FASN: variants seen among roughly 807,000 people sequenced by gnomAD.
FASN encodes the protein fatty acid synthase.
Under a neutral mutation model 250.0 loss-of-function variants are expected in FASN, and 50 were observed. That is an observed-to-expected ratio of 0.20 (90% confidence interval 0.16 to 0.25). The LOEUF (loss-of-function observed/expected upper bound fraction) is 0.25. Ranked by LOEUF, FASN falls within the 10% of genes least tolerant of loss-of-function variation. The pLI, the probability that FASN is intolerant of heterozygous loss-of-function variation, is 1.00. For missense variants in FASN, 3,031 were observed against 3,498.5 expected, an observed-to-expected ratio of 0.87 and a Z score of 3.37; for synonymous variants, 1,909 against 1,584.0, an observed-to-expected ratio of 1.21 and a Z score of -4.87.
In FASN at chr17:82,090,953, G is replaced by A. The variant is rs773196257; in HGVS notation, c.1609C>T (p.Leu537=). The A allele has an allele frequency of 1.9e-6, 3 of 1,612,884 alleles. No homozygotes were observed. The highest frequency in any genetic ancestry group is 4.5e-5 in the East Asian group (2 of 44,872). The change falls in exon 10 of 43, where the codon CTG becomes TTG. Residue 537 remains leucine (L), a synonymous_variant. Transcript: ENST00000306749. ...GTGCTCTCGTCTGTGCTCAGCAGCA[G>A]CTGTGACACCTTCAGGCCGAATGGC... is the stretch of plus-strand genomic sequence containing the variant. ...VKPFGLKVSQ[L]LLSTDESTFD...
intron 36 of FASN, 63 bp from the exon 37 acceptor site, chr17:82,081,906 GA>G: frequency 2.6e-6 from 1 of 389,060 alleles, no homozygotes; most frequent in Non-Finnish European, 4.4e-6. Context: ...TGGCCACTGG[GA>G]GAGGGTGGGG....
chr17:82,081,314 G>A lies in FASN; in HGVS notation c.6445C>T (p.Leu2149=). 1 of 1,557,436 alleles carries A rather than the reference G, an allele frequency of 6.4e-7. No individual in the cohort carries two copies. Among genetic ancestry groups the A allele is most frequent in the Non-Finnish European group, 8.7e-7 (1 of 1,150,842 alleles). The part of the protein sequence containing the change: ...DLAAVNLDSS[L]ADLGLDSLMS... Reference sequence around the variant, plus strand: ...AGCGAGTCCAGGCCCAGGTCCGCCAGTGAGCTGTCCAGGTTGACAGCAGCC... The same window carrying A: ...AGCGAGTCCAGGCCCAGGTCCGCCAATGAGCTGTCCAGGTTGACAGCAGCC... Residue 2149 remains leucine (L), a synonymous_variant, in exon 38 of 43, where the codon CTG becomes TTG. Coordinates refer to ENST00000306749, the MANE Select transcript of FASN (RefSeq NM_004104.5).
rs1223561802 is a variant in FASN at position 82,087,515 on chromosome 17, G to A, written c.3044-11C>T. 20 of 1,611,682 alleles carry A rather than the reference G, an allele frequency of 1.2e-5. No homozygotes were observed. The highest frequency in any genetic ancestry group is 1.7e-5 in the Non-Finnish European group (20 of 1,179,940). ...GCCTCCCCGAGTCACCTGCACACAG[G>A]GCCTGGTTGGTGCTGTGGAACTCCC... On this transcript the variant is annotated splice_polypyrimidine_tract_variant and intron_variant, in intron 19 of 42. Coordinates refer to ENST00000306749, the MANE Select transcript of FASN (RefSeq NM_004104.5).
chr17:82,096,690 C>T (rs757518145), intron 1 of FASN: 4 of 586,798 alleles, frequency 6.8e-6, no homozygotes, highest in Non-Finnish European at 1.2e-5. Flanking sequence ...CTGACCCATT[C>T]AGTTCAGGGT....
In FASN at chr17:82,083,120, G is replaced by A. The variant is rs202158422; in HGVS notation, c.5566-5C>T. The stretch of plus-strand genomic sequence containing the variant: ...CTCCGGCTCCTCCGCAAGCACCTGC[G>A]TCCAAGCAGCACCCACCGGCTCAGG... On this transcript the variant is annotated splice_region_variant and splice_polypyrimidine_tract_variant and intron_variant, in intron 32 of 42. Transcript: ENST00000306749. The A allele has an allele frequency of 4.5e-4, 719 of 1,610,096 alleles. 3 individuals carry two copies. In the South Asian group the frequency reaches 6.3e-3, roughly 14 times the overall value.
rs955638027 is a variant in FASN, at chr17:82,095,384, T to C, written c.216A>G (p.Ala72=). The C allele has an allele frequency of 6.2e-7, 1 of 1,612,974 alleles. No individual in the cohort carries two copies. The highest frequency in any genetic ancestry group is 8.5e-7 in the Non-Finnish European group (1 of 1,180,016). The change falls in exon 3 of 43, where the codon GCA becomes GCG. Residue 72 remains alanine (A), a synonymous_variant. Coordinates refer to ENST00000306749, the MANE Select transcript of FASN (RefSeq NM_004104.5). ...ASFFGVHPKQ[A]HTMDPQLRLL... Reference sequence around the variant, plus strand: ...GCCGCAGCTGAGGGTCCATCGTGTGTGCCTGCTTGGGGTGGACTCCGAAGA... The same window carrying C: ...GCCGCAGCTGAGGGTCCATCGTGTGCGCCTGCTTGGGGTGGACTCCGAAGA...
chr17:82,090,623 GGCCCCCGGCCCCA>G, intron 10 of FASN, 59 bp from the exon 11 acceptor site: 1 of 1,481,164 alleles, frequency 6.8e-7, no homozygotes, highest in South Asian at 1.2e-5. Context: ...TGTTGGGGGC[GGCCCCCGGCCCCA>G]CTAGGCCATC....
Position 82,083,023 on chromosome 17 carries a change from G to A in FASN, c.5658C>T (p.Ser1886=), listed in dbSNP as rs200920340. The A allele has an allele frequency of 2.6e-5, 42 of 1,612,912 alleles. No homozygotes were observed. The East Asian group carries it at 6.5e-4, about 25-fold the overall frequency. The change falls in exon 33 of 43, where the codon AGC becomes AGT. Residue 1886 remains serine (S), a synonymous_variant. Coordinates refer to ENST00000306749, the MANE Select transcript of FASN (RefSeq NM_004104.5). ...CACCCAGACCACCAGCGATGATGTA[G>A]CTCTTGTGGGCCGGGCAGAAGGTCT... ...ISKTFCPAHK[S]YIIAGGLGGF... is the part of the protein sequence containing the mutation.
intron 21 of FASN, among the ~76,000 whole-genome samples, chr17:82,086,825 C>T (rs966752220): frequency 6.6e-6 from 1 of 151,914 alleles, no homozygotes; most frequent in African/African-American, 2.4e-5. Flanking sequence ...TCATCTTTGC[C>T]CCCAAGTACC....
rs145767304 is a variant in FASN at position 82,082,638 on chromosome 17, G to A, written c.5808C>T (p.Gly1936=). The change falls in exon 34 of 43, where the codon GGC becomes GGT. Residue 1936 remains glycine (G), a synonymous_variant. Coordinates refer to ENST00000306749, the MANE Select transcript of FASN (RefSeq NM_004104.5). The part of the protein sequence containing the change: ...AKQVRRWRRQ[G]VQVQVSTSNI... The stretch of plus-strand genomic sequence containing the variant: ...TGCTGGTGGACACCTGCACCTGTAC[G>A]CCCTGGCGCCTCCACCGGCGGACCT... 10 of 1,610,486 alleles carry A rather than the reference G, an allele frequency of 6.2e-6. No individual in the cohort carries two copies. Among genetic ancestry groups the A allele is most frequent in the South Asian group, 3.3e-5 (3 of 91,084 alleles).
intron 40 of FASN, 62 bp downstream of exon 40, chr17:82,080,308 C>A: frequency 6.2e-7 from 1 of 1,611,212 alleles, no homozygotes; most frequent in Non-Finnish European, 8.5e-7. Flanking sequence ...CCCCCAAAGC[C>A]AGGGCACAGG....
rs200728736 is a variant in FASN, at chr17:82,088,490, G to A, written c.2493C>T (p.Ser831=). 65 of 1,609,654 alleles carry A rather than the reference G, an allele frequency of 4.0e-5. No homozygotes were observed. The highest frequency in any genetic ancestry group is 8.9e-5 in the East Asian group (4 of 44,794). The change falls in exon 16 of 43, where the codon TCC becomes TCT. Residue 831 remains serine (S), a synonymous_variant. Coordinates refer to ENST00000306749, the MANE Select transcript of FASN (RefSeq NM_004104.5). ...GGCTGTGGTCCCACTTGATGAGTGG[G>A]GAGATGAGGGGAGTTCCTCGGGGAG... ...FPAPRGTPLI[S]PLIKWDHSLA...
chr17:82,094,142 T>C, intron 3 of FASN: 2 of 374,674 alleles, frequency 5.3e-6, no homozygotes, highest in South Asian at 2.2e-5. Context: ...CACCGGCAGC[T>C]CTGATGAGCC....
At position 82,088,171 on chromosome 17, in the gene FASN, C is replaced by T. The variant is rs545000925; in HGVS notation, c.2730G>A (p.Leu910=). ...ARALGLGVEQ[L]PVVFEDVVLH... is the part of the protein sequence containing the mutation. ...GCACCACATCCTCAAACACCACAGG[C>T]AGCTGCTCGACGCCCAGGCCCAGGG... The change falls in exon 17 of 43, where the codon CTG becomes CTA. Residue 910 remains leucine (L), a synonymous_variant. Transcript: ENST00000306749. 2.9e-5 allele frequency: 46 copies of T among 1,612,756 alleles called. 1 individual carries two copies. The South Asian group carries it at 4.7e-4, about 17-fold the overall frequency.
In FASN at chr17:82,082,297, C is replaced by T. The variant is rs374731545; in HGVS notation, c.6011+26G>A. Reference sequence around the variant, plus strand: ...CCCTGAGCCCAGAGCCCGGCAGAGGCGGGAGCAGGGCTGTGCGGTACCCAC... The same window carrying T: ...CCCTGAGCCCAGAGCCCGGCAGAGGTGGGAGCAGGGCTGTGCGGTACCCAC... On this transcript the variant is annotated intron_variant, in intron 35 of 42. Transcript: ENST00000306749. 2.2e-5 allele frequency: 35 copies of T among 1,610,798 alleles called. No homozygotes were observed. In the Middle Eastern group the frequency reaches 5.0e-4, roughly 23 times the overall value.
intron 1 of FASN, 45 bp from the exon 2 acceptor site, chr17:82,096,497 C>A: frequency 1.2e-6 from 2 of 1,604,602 alleles, no homozygotes; most frequent in South Asian, 2.2e-5. Context: ...CCGGCCACGA[C>A]ACCCCCGTCA....
rs767309386 is a variant in FASN, at chr17:82,081,369, G to A, written c.6407-17C>T. On this transcript the variant is annotated splice_polypyrimidine_tract_variant and intron_variant, in intron 37 of 42. Coordinates refer to ENST00000306749, the MANE Select transcript of FASN (RefSeq NM_004104.5). ...CGCGGATGCCTGGAAGGGATGCGCC[G>A]GGTCGGCAACTCCAGAGGGGGCATG... 42 of 1,558,620 alleles carry A rather than the reference G, an allele frequency of 2.7e-5. No homozygotes were observed. Among genetic ancestry groups the A allele is most frequent in the Middle Eastern group, 2.2e-4 (1 of 4,542 alleles).
chr17:82,080,944 C>A, intron 38 of FASN, 22 bp from the exon 39 acceptor site: 5 of 1,579,962 alleles, frequency 3.2e-6, no homozygotes, highest in Non-Finnish European at 3.4e-6. Flanking sequence ...GGGGCAGATG[C>A]CAGGCTGGTC....
rs530379505 is a variant in FASN, at chr17:82,086,338, G to A, written c.3648C>T (p.Ser1216=). 118 of 1,606,210 alleles carry A rather than the reference G, an allele frequency of 7.3e-5. No homozygotes were observed. Among genetic ancestry groups the A allele is most frequent in the East Asian group, 2.5e-4 (11 of 44,808 alleles). Residue 1216 remains serine, a synonymous_variant, in exon 22 of 43, where the codon AGC becomes AGT. Transcript: ENST00000306749. ...TGAGTGCCGGGGAGTCCAGGAGGCC[G>A]CTGAGCAGAGGGTCCTCTGGCAGCT... ...RPKLPEDPLL[S]GLLDSPALKA... is the part of the protein sequence containing the mutation.
Sources: gnomAD v4.1 joint callset for allele counts (sites outside exome capture counted in the v4.1 genomes callset) on GRCh38, gnomAD v4.1.1 for gene constraint, MANE v1.5 for transcripts, NCBI Gene and HGNC (gene_info 2026-07-23, HGNC 2026-07-21) for gene names.